Variants in CDKN1A observed in about 807,000 individuals in gnomAD.
The protein encoded by CDKN1A is cyclin-dependent kinase inhibitor 1.
A neutral mutation model predicts 14.8 loss-of-function variants in CDKN1A; 14 were observed. The observed-to-expected ratio is 0.94, with a 90% CI of 0.62 to 1.48. The LOEUF (loss-of-function observed/expected upper bound fraction) is 1.48. Ranked by LOEUF, CDKN1A falls within the 40% of genes most tolerant of loss-of-function variation. CDKN1A has a pLI of 0.00. For missense variants in CDKN1A, 203 were observed against 231.7 expected, an observed-to-expected ratio of 0.88 and a Z score of 0.80; for synonymous variants, 92 against 93.5, an observed-to-expected ratio of 0.98 and a Z score of 0.09.
In CDKN1A at chr6:36,678,937, C is replaced by T. The variant is rs534919117; in HGVS notation, c.-6+139C>T. 2 of 985,950 alleles carry T rather than the reference C, an allele frequency of 2.0e-6. No homozygotes were observed. Among genetic ancestry groups the T allele is most frequent in the East Asian group, 1.1e-4 (1 of 8,856 alleles). The allele number at this position is 985,950 out of a possible 1,614,324, so 61.1% of individuals were successfully genotyped here. A position where few individuals can be genotyped will look rare whatever the true frequency, so the allele number is the denominator to read the frequency against. On this transcript the variant is annotated intron_variant, in intron 1 of 2. Coordinates refer to ENST00000244741, the MANE Select transcript of CDKN1A (RefSeq NM_000389.5). This position sits in a 1 kb window ranked among gnomAD's most constrained non-coding sequence, Gnocchi z 5.7. ...GCTGCGTTCACAGGTGTTTCTGCGG[C>T]AGGTGAATGACGGGCGTGGGTCGGT...
intron 1 of CDKN1A, chr6:36,680,415 T>A (rs1468119513): frequency 6.6e-6 from 1 of 151,918 alleles, no homozygotes; most frequent in East Asian, 1.9e-4. Context: ...CCTGGCCGGC[T>A]CAGCGTGACG....
In CDKN1A at chr6:36,684,076, T is replaced by C. The variant is rs768943463; in HGVS notation, c.-5-21T>C. On this transcript the variant is annotated intron_variant, in intron 1 of 2. Transcript: ENST00000244741. The surrounding 1 kb of genome is among the most constrained non-coding windows in gnomAD (Gnocchi z 6.0). The stretch of plus-strand genomic sequence containing the variant: ...TCTAATCTCCGCCGTGACCAGGGCC[T>C]TCCTTGTATCTCTGCTGCAGGCGCC... The C allele has an allele frequency of 6.2e-7, 1 of 1,611,698 alleles. No individual in the cohort carries two copies. The highest frequency in any genetic ancestry group is 1.1e-5 in the South Asian group (1 of 90,824).
rs1308733953 is a variant in CDKN1A at position 36,681,280 on chromosome 6, T to TTTCTTTCTTTCTTTCTTTCTTTC, written c.-6+2484_-6+2485insCTTTCTTTCTTTCTTTCTTTCTT. ...CCTAGGTGCTTTTCTTTCTTTCTTT[T>TTTCTTTCTTTCTTTCTTTCTTTC]TTTCTTTCTTTCTTTCTTTCTTTCT... On this transcript the variant is annotated intron_variant, in intron 1 of 2. Transcript: ENST00000244741. Among the ~76,000 whole-genome samples, 92 of 112,854 alleles carry TTTCTTTCTTTCTTTCTTTCTTTC rather than the reference T, an allele frequency of 8.2e-4. 4 individuals are homozygous for TTTCTTTCTTTCTTTCTTTCTTTC. The highest frequency in any genetic ancestry group is 1.6e-3 in the East Asian group (7 of 4,296). The allele number at this position is 112,854 out of a possible 152,430, so 74.0% of individuals were successfully genotyped here. A position where few individuals can be genotyped will look rare whatever the true frequency, so the allele number is the denominator to read the frequency against.
upstream of CDKN1A, chr6:36,677,955 A>G (rs998904339): frequency 1.4e-5 from 16 of 1,177,618 alleles, no homozygotes; most frequent in Non-Finnish European, 1.8e-5. Context: ...GTGTAGGGAG[A>G]TTGGTTCAAT....
rs1230700206 is a variant in CDKN1A, at chr6:36,684,841, TC to T, written c.445+296del. 2.0e-5 allele frequency among the ~76,000 whole-genome samples: 3 copies of T among 152,206 alleles called. No individual in the cohort carries two copies. Among genetic ancestry groups the T allele is most frequent in the Non-Finnish European group, 1.5e-5 (1 of 68,028 alleles). ...ACATTCTTGTCACCCTGCCCGCCTT[TC>T]TTTTTGAGACAGGTGTCTTAACTCT... On this transcript the variant is annotated intron_variant, in intron 2 of 2. Transcript: ENST00000244741. This position sits in a 1 kb window ranked among gnomAD's most constrained non-coding sequence, Gnocchi z 6.0.
rs571221155 is a variant in CDKN1A, at chr6:36,681,752, C to T, written c.-5-2345C>T. 7.0e-4 allele frequency among the ~76,000 whole-genome samples: 107 copies of T among 151,794 alleles called. 1 individual carries two copies. Among genetic ancestry groups the T allele is most frequent in the African/African-American group, 2.5e-3 (102 of 41,328 alleles). On this transcript the variant is annotated intron_variant, in intron 1 of 2. Coordinates refer to ENST00000244741, the MANE Select transcript of CDKN1A (RefSeq NM_000389.5). ...GGACTACAGGTGCTGCCATCATGCC[C>T]GGCTAATTTTTTTTTGTATTTTTAG...
In CDKN1A at chr6:36,684,579, G is replaced by C; in HGVS notation, c.445+33G>C. On this transcript the variant is annotated intron_variant, in intron 2 of 2. Transcript: ENST00000244741. The surrounding 1 kb of genome is among the most constrained non-coding windows in gnomAD (Gnocchi z 6.0). ...CATGTGCACGGAAGGACTTTGTAAG[G>C]GACCAGGATTCTCAGAATCCATGGT... 1.3e-5 allele frequency: 20 copies of C among 1,593,838 alleles called. No individual in the cohort carries two copies. The highest frequency in any genetic ancestry group is 1.7e-5 in the Non-Finnish European group (20 of 1,162,576).
chr6:36,685,839 G>T lies in CDKN1A; in HGVS notation c.*39G>T. 1.9e-6 allele frequency: 3 copies of T among 1,542,310 alleles called. No homozygotes were observed. The highest frequency in any genetic ancestry group is 2.7e-6 in the Non-Finnish European group (3 of 1,115,222). ...AGCCTGCAGTCCTGGAAGCGCGAGG[G>T]CCTCAAAGGCCCGCTCTACATCTTC... is the stretch of plus-strand genomic sequence containing the variant. On this transcript the variant is annotated 3_prime_UTR_variant, in exon 3 of 3. Coordinates refer to ENST00000244741, the MANE Select transcript of CDKN1A (RefSeq NM_000389.5).
At chr6:36,677,279 C>G (rs1299447834), upstream of CDKN1A, among the ~76,000 whole-genome samples, 3 of 152,108 alleles carry the variant, frequency 2.0e-5, no homozygotes, top group Non-Finnish European at 4.4e-5. Context: ...GCTCCCATCC[C>G]CACAGCAGAG....
chr6:36,681,517 T>C (rs73412244), intron 1 of CDKN1A, among the ~76,000 whole-genome samples: 13,159 of 147,156 alleles, frequency 0.089, 635 homozygotes, highest in South Asian at 0.16. Flanking sequence ...TGGACTCAAG[T>C]AGTCCTCCTG....
Position 36,678,774 on chromosome 6 carries a change from C to G in CDKN1A, c.-30C>G, listed in dbSNP as rs1477668952. On this transcript the variant is annotated 5_prime_UTR_variant, in exon 1 of 3. Transcript: ENST00000244741. The surrounding 1 kb of genome is among the most constrained non-coding windows in gnomAD (Gnocchi z 5.7). ...GAGCCGGAGCTGGGCGCGGATTCGC[C>G]GAGGCACCGAGGCACTCAGAGGAGG... is the stretch of plus-strand genomic sequence containing the variant. 3 of 985,594 alleles carry G rather than the reference C, an allele frequency of 3.0e-6. No homozygotes were observed. Among genetic ancestry groups the G allele is most frequent in the Non-Finnish European group, 3.6e-6 (3 of 830,158 alleles). 61.1% of individuals were successfully genotyped at this position (985,594 alleles called of 1,614,324 possible).
chr6:36,679,793 G>A (rs1384290073), intron 1 of CDKN1A, among the ~76,000 whole-genome samples: 12 of 152,118 alleles, frequency 7.9e-5, no homozygotes, highest in Admixed American at 7.8e-4. Context: ...CTCGGGTCGG[G>A]GCGCTGGACT....
At chr6:36,683,469 A>G (rs1762084200) in intron 1 of CDKN1A, among the ~76,000 whole-genome samples, 1 of 152,230 alleles carries the variant, frequency 6.6e-6, no homozygotes, top group African/African-American at 2.4e-5. Context: ...GGCCCCATTT[A>G]TGGATGAGGA....
chr6:36,680,181 G>T (rs914799002), intron 1 of CDKN1A, among the ~76,000 whole-genome samples: 1 of 152,176 alleles, frequency 6.6e-6, no homozygotes, highest in Admixed American at 6.5e-5. Flanking sequence ...ACTTGCGAGC[G>T]GTTTTGTTTT....
At chr6:36,677,872 G>T (rs145484289), upstream of CDKN1A, 5 of 1,365,960 alleles carry the variant, frequency 3.7e-6, no homozygotes, top group African/African-American at 4.3e-5. Flanking sequence ...CAACTCACTC[G>T]TCAAATCCTC....
intron 1 of CDKN1A, among the ~76,000 whole-genome samples, chr6:36,679,668 G>C (rs1018105309): frequency 6.6e-6 from 1 of 152,202 alleles, no homozygotes; most frequent in African/African-American, 2.4e-5. Flanking sequence ...TGTAGGGGTC[G>C]GGGAGTCACG....
At chr6:36,676,893 A>AAAC (rs961746033), upstream of CDKN1A, among the ~76,000 whole-genome samples, 1 of 152,154 alleles carries the variant, frequency 6.6e-6, no homozygotes, top group Non-Finnish European at 1.5e-5. Context: ...TCTTTCCCAA[A>AAAC]AACAACAACA....
rs1554185383 is a variant in CDKN1A at position 36,681,365 on chromosome 6, C to CTT, written c.-6+2569_-6+2570dup. Among the ~76,000 whole-genome samples, 267 of 42,848 alleles carry CTT rather than the reference C, an allele frequency of 6.2e-3. 2 individuals are homozygous for CTT. The highest frequency in any genetic ancestry group is 0.031 in the Middle Eastern group (3 of 96). 28.1% of individuals were successfully genotyped at this position (42,848 alleles called of 152,430 possible). ...TTCTTTCTTTCTTTTTCTTTCTTTT[C>CTT]TTTCTTTCTTTCTTTCTTTCTTTCT... On this transcript the variant is annotated intron_variant, in intron 1 of 2. Transcript: ENST00000244741.
rs756383281 is a variant in CDKN1A at position 36,684,187 on chromosome 6, A to C, written c.86A>C (p.Gln29Pro). ...RRLFGPVDSE[Q>P]LSRDCDALMA... The stretch of plus-strand genomic sequence containing the variant: ...CTCTTCGGCCCAGTGGACAGCGAGC[A>C]GCTGAGCCGCGACTGTGATGCGCTA... The change falls in exon 2 of 3, where the codon CAG becomes CCG. Residue 29 changes from glutamine to proline, a missense_variant. Transcript: ENST00000244741. This position sits in a 1 kb window ranked among gnomAD's most constrained non-coding sequence, Gnocchi z 6.0. 2.0e-5 allele frequency: 33 copies of C among 1,611,924 alleles called. No individual in the cohort carries two copies. The African/African-American group carries it at 4.3e-4, about 21-fold the overall frequency.
Sources: allele counts gnomAD v4.1 joint callset (sites outside exome capture counted in the v4.1 genomes callset), GRCh38; gene constraint gnomAD v4.1.1; non-coding constraint Gnocchi (gnomAD v3.1); transcripts MANE v1.5; gene names NCBI Gene and HGNC (gene_info 2026-07-23, HGNC 2026-07-21).